DCDC1: variants seen among roughly 807,000 people sequenced by gnomAD.
The protein encoded by DCDC1 is doublecortin domain containing 1.
A neutral mutation model predicts 178.3 loss-of-function variants in DCDC1; 200 were observed. The observed-to-expected ratio is 1.12, with a 90% CI of 1.00 to 1.26. The LOEUF (loss-of-function observed/expected upper bound fraction) is 1.26. Ranked by LOEUF, DCDC1 falls within the 50% of genes most tolerant of loss-of-function variation. The pLI, the probability that DCDC1 is intolerant of heterozygous loss-of-function variation, is 0.00. For missense variants in DCDC1, 1,983 were observed against 1,749.2 expected, an observed-to-expected ratio of 1.13 and a Z score of -2.38; for synonymous variants, 690 against 604.8, an observed-to-expected ratio of 1.14 and a Z score of -2.07.
intron 20 of DCDC1, among the ~76,000 whole-genome samples, chr11:30,975,527 C>T (rs1392612694): frequency 6.6e-6 from 1 of 151,836 alleles, no homozygotes; most frequent in African/African-American, 2.4e-5. Context: ...ATTTACAGGA[C>T]ACAAAATTAA....
At chr11:31,314,201 C>A (rs1429269533) in intron 3 of DCDC1, among the ~76,000 whole-genome samples, 1 of 152,154 alleles carries the variant, frequency 6.6e-6, no homozygotes, top group Non-Finnish European at 1.5e-5. Context: ...TTTATCATTG[C>A]ATTATTTAAT....
At chr11:31,049,392 G>T (rs1021058338) in intron 20 of DCDC1, among the ~76,000 whole-genome samples, 6 of 152,126 alleles carry the variant, frequency 3.9e-5, no homozygotes, top group African/African-American at 1.4e-4. Flanking sequence ...ATTTTCAAGT[G>T]TCCAACAAAG....
intron 9 of DCDC1, among the ~76,000 whole-genome samples, chr11:31,195,609 C>G (rs1970603984): frequency 6.6e-6 from 1 of 151,894 alleles, no homozygotes; most frequent in South Asian, 2.1e-4. Context: ...GTCTTATGAC[C>G]TAAATTAGGA....
At chr11:31,120,010 T>C (rs1960563980) in intron 11 of DCDC1, among the ~76,000 whole-genome samples, 1 of 152,182 alleles carries the variant, frequency 6.6e-6, no homozygotes, top group African/African-American at 2.4e-5. Context: ...CCTAGCACAA[T>C]GTCTTCTGGA....
At chr11:30,971,342 C>T (rs1949765462) in intron 20 of DCDC1, among the ~76,000 whole-genome samples, 1 of 151,590 alleles carries the variant, frequency 6.6e-6, no homozygotes, top group African/African-American at 2.4e-5. Flanking sequence ...TTATGAAATG[C>T]CAGAGAAAGA....
At chr11:31,112,997 T>G (rs1242464342) in intron 11 of DCDC1, among the ~76,000 whole-genome samples, 2 of 152,122 alleles carry the variant, frequency 1.3e-5, no homozygotes, top group Non-Finnish European at 2.9e-5. Context: ...ACACAACAAA[T>G]GAGTAAATCA....
At chr11:31,084,698 T>C (rs1033234641) in intron 17 of DCDC1, among the ~76,000 whole-genome samples, 3 of 152,066 alleles carry the variant, frequency 2.0e-5, no homozygotes, top group African/African-American at 7.2e-5. Context: ...CTTCCTTCCT[T>C]CTTTTCTAGA....
At chr11:31,008,311 T>G (rs1951974104) in intron 20 of DCDC1, among the ~76,000 whole-genome samples, 1 of 152,070 alleles carries the variant, frequency 6.6e-6, no homozygotes, top group Admixed American at 6.5e-5. Flanking sequence ...AAAGAGATGT[T>G]CTTAGCAGCT....
At chr11:31,216,274 G>T (rs1211914571) in intron 9 of DCDC1, among the ~76,000 whole-genome samples, 1 of 152,140 alleles carries the variant, frequency 6.6e-6, no homozygotes, top group Non-Finnish European at 1.5e-5. Context: ...TAGAGGATTA[G>T]ATATACACAG....
chr11:30,980,320 A>G (rs557295589), intron 20 of DCDC1, among the ~76,000 whole-genome samples: 11 of 152,336 alleles, frequency 7.2e-5, no homozygotes, highest in Admixed American at 5.2e-4. Context: ...GGGAGTGCCC[A>G]TCTGACACCT....
chr11:31,061,597 C>T (rs773970718), intron 20 of DCDC1, among the ~76,000 whole-genome samples: 2 of 152,024 alleles, frequency 1.3e-5, no homozygotes, highest in Admixed American at 6.6e-5. Context: ...GAGCCGATCA[C>T]GTATGGAGCC....
At chr11:31,244,331 T>C (rs1300673697) in intron 8 of DCDC1, among the ~76,000 whole-genome samples, 1 of 151,794 alleles carries the variant, frequency 6.6e-6, no homozygotes, top group Non-Finnish European at 1.5e-5. Context: ...ATTCCTAATA[T>C]TCTATACCAA....
At chr11:31,025,503 G>C (rs967848033) in intron 20 of DCDC1, among the ~76,000 whole-genome samples, 11 of 151,786 alleles carry the variant, frequency 7.2e-5, no homozygotes, top group Admixed American at 1.3e-4. Context: ...GCACAGAGGA[G>C]TAAAATTCAA....
intron 20 of DCDC1, among the ~76,000 whole-genome samples, chr11:30,975,998 G>T (rs1334184882): frequency 6.6e-6 from 1 of 152,028 alleles, no homozygotes; most frequent in East Asian, 1.9e-4. Flanking sequence ...CATGGAATTG[G>T]TATAAAAACA....
intron 20 of DCDC1, among the ~76,000 whole-genome samples, chr11:31,007,623 T>C (rs1228449463): frequency 6.6e-6 from 1 of 152,142 alleles, no homozygotes; most frequent in East Asian, 1.9e-4. Context: ...TTCAAGTCAC[T>C]TGGGATCATG....
At chr11:30,960,616 AGGCAGCCTTTTCGTAGTCCCCTG>A (rs1275206683) in intron 20 of DCDC1, among the ~76,000 whole-genome samples, 1 of 152,176 alleles carries the variant, frequency 6.6e-6, no homozygotes, top group Non-Finnish European at 1.5e-5. Context: ...CAATGCTTGC[AGGCAGCCTTTTCGTAGTCCCCTG>A]GAGAACTTGC....
intron 6 of DCDC1, among the ~76,000 whole-genome samples, chr11:31,294,062 C>T (rs998304633): frequency 2.0e-5 from 3 of 152,190 alleles, no homozygotes; most frequent in African/African-American, 7.2e-5. Flanking sequence ...ACAATATTTA[C>T]TGGGTGTCCA....
At chr11:31,107,499 C>T (rs1208727361) in intron 12 of DCDC1, among the ~76,000 whole-genome samples, 1 of 152,150 alleles carries the variant, frequency 6.6e-6, no homozygotes, top group Non-Finnish European at 1.5e-5. Flanking sequence ...CCTGAAATAG[C>T]TTGTGGACAT....
chr11:31,075,923 G>A (rs926680475), intron 18 of DCDC1, among the ~76,000 whole-genome samples: 10 of 152,112 alleles, frequency 6.6e-5, no homozygotes, highest in African/African-American at 2.2e-4. Context: ...GCAATGGTGC[G>A]ATCTTGACTC....
Sources: allele counts gnomAD v4.1 joint callset (sites outside exome capture counted in the v4.1 genomes callset), GRCh38; gene constraint gnomAD v4.1.1; transcripts MANE v1.5; gene names NCBI Gene and HGNC (gene_info 2026-07-23, HGNC 2026-07-21).